The following CLVS1 variants were observed in gnomAD, a reference collection of about 807,000 sequenced individuals.
CLVS1 encodes the protein clavesin-1.
Under a neutral mutation model 33.1 loss-of-function variants are expected in CLVS1, and 10 were observed. The observed-to-expected ratio is 0.30, with a 90% confidence interval of 0.19 to 0.51. The LOEUF is 0.51. Among genes scored for constraint, CLVS1 ranks in the 20% least tolerant of loss-of-function variants. The pLI is 0.97. For synonymous variants in CLVS1, 163 were observed against 166.1 expected (o/e 0.98, Z 0.14); for missense variants, 343 against 433.4 (o/e 0.79, Z 1.85).
chr8:61,360,742 T>C (rs568450946), intron 2 of CLVS1, among the ~76,000 whole-genome samples: 1 of 152,344 alleles, frequency 6.6e-6, no homozygotes, highest in Admixed American at 6.5e-5. Context: ...ATAGCACCGA[T>C]GTGGAATAAT....
intron 3 of CLVS1, among the ~76,000 whole-genome samples, chr8:61,402,697 T>A (rs1200882938): frequency 6.6e-6 from 1 of 152,242 alleles, no homozygotes; most frequent in Non-Finnish European, 1.5e-5. Flanking sequence ...TAATGTTGAA[T>A]GATTCAGAAT....
chr8:61,338,297 T>C (rs1189376906), intron 2 of CLVS1, among the ~76,000 whole-genome samples: 1 of 152,216 alleles, frequency 6.6e-6, no homozygotes. Flanking sequence ...AAAGAGGCTG[T>C]CATTTGCCAC....
chr8:61,026,652 G>T, the CLVS1 span, among the ~76,000 whole-genome samples: 1 of 152,136 alleles, frequency 6.6e-6, no homozygotes, highest in Non-Finnish European at 1.5e-5. Context: ...TCTGTGGAGC[G>T]CTACTGCCAT....
chr8:61,006,831 A>G, the CLVS1 span, among the ~76,000 whole-genome samples: 311 of 152,330 alleles, frequency 2.0e-3, 1 homozygote, highest in African/African-American at 7.3e-3. Flanking sequence ...ACAGAATGTA[A>G]TTATATATAA....
intron 2 of CLVS1, among the ~76,000 whole-genome samples, chr8:61,147,756 C>A (rs944499577): frequency 1.3e-5 from 2 of 152,144 alleles, no homozygotes; most frequent in African/African-American, 2.4e-5. Context: ...AGGAACTCAG[C>A]ATTAGATCAA....
chr8:61,144,046 T>C (rs1806367156), intron 2 of CLVS1, among the ~76,000 whole-genome samples: 1 of 145,622 alleles, frequency 6.9e-6, no homozygotes, highest in Non-Finnish European at 1.5e-5. Flanking sequence ...TTTGCTTTAT[T>C]GTATATATAT....
chr8:61,084,821 G>A (rs376925049), intron 1 of CLVS1, among the ~76,000 whole-genome samples: 1 of 152,212 alleles, frequency 6.6e-6, no homozygotes, highest in South Asian at 2.1e-4. Context: ...CCTAGTCATT[G>A]GGGGTAGAGA....
rs894335389 is a variant in CLVS1, at chr8:61,143,651, G to A, written c.-152+11791G>A. ...TGAATTCTCTCTCTCAGAGTGTACT[G>A]TCTATTCTGCACCTAATTTTAAAAA... On this transcript the variant is annotated intron_variant, in intron 2 of 2. Transcript: ENST00000522621. 2.8e-5 allele frequency among the ~76,000 whole-genome samples: 4 copies of A among 144,724 alleles called. No individual in the cohort carries two copies. In the East Asian group the frequency reaches 5.8e-4, roughly 21 times the overall value. The allele number at this position is 144,724 out of a possible 152,430, so 94.9% of individuals were successfully genotyped here.
intron 3 of CLVS1, among the ~76,000 whole-genome samples, chr8:61,403,545 A>G (rs1814855006): frequency 6.6e-6 from 1 of 152,138 alleles, no homozygotes; most frequent in African/African-American, 2.4e-5. Context: ...GAAGACAACA[A>G]ATTCCGGATA....
chr8:61,082,594 G>A (rs1805041821), intron 1 of CLVS1, among the ~76,000 whole-genome samples: 1 of 152,214 alleles, frequency 6.6e-6, no homozygotes, highest in Non-Finnish European at 1.5e-5. Flanking sequence ...GAAGCTGGTG[G>A]TAGGAGGGTG....
intron 2 of CLVS1, among the ~76,000 whole-genome samples, chr8:61,324,635 G>C (rs1811313498): frequency 6.6e-6 from 1 of 152,126 alleles, no homozygotes; most frequent in Non-Finnish European, 1.5e-5. Context: ...GAAAATGTGG[G>C]AAAGTTTGGA....
the CLVS1 span, among the ~76,000 whole-genome samples, chr8:60,973,155 T>A: frequency 6.6e-6 from 1 of 152,156 alleles, no homozygotes; most frequent in Non-Finnish European, 1.5e-5. Context: ...CAAATGAGCA[T>A]GTGGGTTGAA....
At chr8:61,486,646 GC>G (rs1803896029) in intron 5 of CLVS1, among the ~76,000 whole-genome samples, 1 of 152,158 alleles carries the variant, frequency 6.6e-6, no homozygotes, top group Non-Finnish European at 1.5e-5. Context: ...CAGAAAGGAA[GC>G]GTTGAATTCT....
chr8:61,484,840 G>A (rs1196155368), intron 5 of CLVS1, among the ~76,000 whole-genome samples: 2 of 152,120 alleles, frequency 1.3e-5, no homozygotes, highest in Non-Finnish European at 2.9e-5. Context: ...ACAAGCAATG[G>A]GGAAAGGATT....
chr8:61,230,528 G>T (rs1156920223), intron 2 of CLVS1, among the ~76,000 whole-genome samples: 1 of 152,208 alleles, frequency 6.6e-6, no homozygotes, highest in Non-Finnish European at 1.5e-5. Context: ...AGCACAAGAA[G>T]TATCTTTTTA....
intron 2 of CLVS1, among the ~76,000 whole-genome samples, chr8:61,335,607 A>G (rs1232627328): frequency 6.6e-6 from 1 of 152,156 alleles, no homozygotes; most frequent in Non-Finnish European, 1.5e-5. Flanking sequence ...TGTTGTGACA[A>G]TTTTCTTCAG....
intron 3 of CLVS1, among the ~76,000 whole-genome samples, chr8:61,414,447 A>C (rs73257368): frequency 0.051 from 7,588 of 147,540 alleles, 643 homozygotes; most frequent in African/African-American, 0.18. Flanking sequence ...TTTTCTACTT[A>C]TATTGAGCTG....
At chr8:61,392,953 G>A (rs541320092) in intron 3 of CLVS1, among the ~76,000 whole-genome samples, 4 of 151,800 alleles carry the variant, frequency 2.6e-5, no homozygotes, top group South Asian at 2.1e-4. Context: ...GTGCTATCTC[G>A]GCTCACTGCA....
At chr8:61,019,416 A>G in the CLVS1 span, among the ~76,000 whole-genome samples, 1 of 152,164 alleles carries the variant, frequency 6.6e-6, no homozygotes, top group Non-Finnish European at 1.5e-5. Context: ...CTCCATTTAG[A>G]CTCAGGAGAC....
Sources: allele counts gnomAD v4.1 joint callset (sites outside exome capture counted in the v4.1 genomes callset), GRCh38; gene constraint gnomAD v4.1.1; transcripts MANE v1.5; gene names NCBI Gene and HGNC (gene_info 2026-07-23, HGNC 2026-07-21).